PLXNB1: variants seen among roughly 807,000 people sequenced by gnomAD.
PLXNB1 encodes plexin-B1.
A neutral mutation model predicts 209.4 loss-of-function variants in PLXNB1; 106 were observed. The observed-to-expected ratio is 0.51, with a 90% confidence interval of 0.43 to 0.59. The LOEUF (loss-of-function observed/expected upper bound fraction) is 0.59. PLXNB1 is among the 20% of genes least tolerant of loss of function. The pLI, the probability that PLXNB1 is intolerant of heterozygous loss-of-function variation, is 0.00. For missense variants in PLXNB1, 2,357 were observed against 2,853.2 expected (o/e 0.83, Z 3.96); for synonymous variants, 1,167 against 1,183.2 (o/e 0.99, Z 0.28).
chr3:48,409,537 A>C lies in PLXNB1; in HGVS notation c.5939+34T>G, dbSNP rs538900040. On this transcript the variant is annotated intron_variant, in intron 33 of 37. Coordinates refer to ENST00000296440, the MANE Select transcript of PLXNB1 (RefSeq NM_001130082.3). The surrounding 1 kb of genome is among the most constrained non-coding windows in gnomAD (Gnocchi z 5.8). ...GGGGAGGCAGAAGAGAAGACCCCCC[A>C]CACACACCTAGAGCCCACCCAGCTC... The C allele has an allele frequency of 4.9e-5, 79 of 1,613,766 alleles. No homozygotes were observed. In the South Asian group the frequency reaches 5.9e-4, roughly 12 times the overall value.
In PLXNB1 at chr3:48,416,024, C is replaced by G; in HGVS notation, c.3617+7G>C. 6.2e-7 allele frequency: 1 copy of G among 1,602,148 alleles called. No homozygotes were observed. Among genetic ancestry groups the G allele is most frequent in the Non-Finnish European group, 8.5e-7 (1 of 1,174,396 alleles). On this transcript the variant is annotated splice_region_variant and intron_variant, in intron 18 of 37. Transcript: ENST00000296440. The surrounding 1 kb of genome is among the most constrained non-coding windows in gnomAD (Gnocchi z 4.1). ...GGATTTTTGCAGGATGAGGAAGTGG[C>G]CCTCACAAGTGACAAGGCTGGTCTC...
In PLXNB1 at chr3:48,420,782, A is replaced by G. The variant is rs1200490797; in HGVS notation, c.1920-9T>C. The G allele has an allele frequency of 1.2e-6, 2 of 1,613,788 alleles. No homozygotes were observed. Among genetic ancestry groups the G allele is most frequent in the East Asian group, 2.2e-5 (1 of 44,870 alleles). ...TCACACAGGCCTGGCACCTGCACAGAGCACAGCCATGGGGCAAGGGTCGCC... is the reference window on the plus strand; with the variant it reads ...TCACACAGGCCTGGCACCTGCACAGGGCACAGCCATGGGGCAAGGGTCGCC... On this transcript the variant is annotated splice_polypyrimidine_tract_variant and intron_variant, in intron 9 of 37. Transcript: ENST00000296440.
In PLXNB1 at chr3:48,422,927, G is replaced by A. The variant is rs780901416; in HGVS notation, c.1128C>T (p.Pro376=). The A allele has an allele frequency of 1.9e-5, 30 of 1,613,918 alleles. No homozygotes were observed. The highest frequency in any genetic ancestry group is 2.4e-5 in the Non-Finnish European group (28 of 1,179,930). ...GGCTGGGCGTGTGGTCTGAGCCACAGGGATAAGCATCCAGGGTGTCCTATA... is the reference window on the plus strand; with the variant it reads ...GGCTGGGCGTGTGGTCTGAGCCACAAGGATAAGCATCCAGGGTGTCCTATA... The part of the protein sequence containing the change: ...QLPVDTLDAY[P]CGSDHTPSPM... Residue 376 remains proline, a synonymous_variant, in exon 4 of 38, where the codon CCC becomes CCT. Transcript: ENST00000296440.
chr3:48,425,448 T>A (rs2038835687), intron 1 of PLXNB1, 115 bp from the exon 2 acceptor site: 1 of 152,208 alleles, frequency 6.6e-6, no homozygotes, highest in Non-Finnish European at 1.5e-5. Context: ...CCGCCCAGCC[T>A]GCTGGTGGAG....
At position 48,409,996 on chromosome 3, in the gene PLXNB1, G is replaced by A. The variant is rs1020806573; in HGVS notation, c.5687C>T (p.Pro1896Leu). Residue 1896 changes from proline to leucine, a missense_variant, in exon 32 of 38, where the codon CCC becomes CTC. Physicochemically the swap from Pro to Leu is moderately conservative, Grantham distance 98. Coordinates refer to ENST00000296440, the MANE Select transcript of PLXNB1 (RefSeq NM_001130082.3). The surrounding 1 kb of genome is among the most constrained non-coding windows in gnomAD (Gnocchi z 5.8). Reference protein sequence around the residue: ...LVKPSDEPEPPRPRRGSLRGG... With the variant: ...LVKPSDEPEPLRPRRGSLRGG... ...CCGAAGGCTGCCCCTCCGAGGCCTG[G>A]GCGGCTCCGGCTCATCACTTGGCTT... is the stretch of plus-strand genomic sequence containing the variant. 6.2e-7 allele frequency: 1 copy of A among 1,612,774 alleles called. No homozygotes were observed. The highest frequency in any genetic ancestry group is 1.1e-5 in the South Asian group (1 of 91,014).
rs757535663 is a variant in PLXNB1, at chr3:48,412,939, C to T, written c.4657G>A (p.Asp1553Asn). 3.1e-6 allele frequency: 5 copies of T among 1,613,880 alleles called. No homozygotes were observed. Among genetic ancestry groups the T allele is most frequent in the Admixed American group, 1.7e-5 (1 of 60,004 alleles). The change falls in exon 25 of 38, where the codon GAT (aspartate) becomes AAT (asparagine). Residue 1553 changes from aspartate (D) to asparagine (N), a missense_variant. Asp to Asn is a conservative substitution (Grantham distance 23, BLOSUM62 1). Transcript: ENST00000296440. The part of the protein sequence containing the change: ...EFTDLMTEMT[D>N]LTSDLLGSGI... ...CTGCCCAGGAGGTCACTGGTGAGAT[C>T]GGTCATCTCAGTCATGAGGTCTGTT...
Position 48,421,378 on chromosome 3 carries a change from G to A in PLXNB1, c.1660C>T (p.Leu554=). 1 of 1,529,106 alleles carries A rather than the reference G, an allele frequency of 6.5e-7. No homozygotes were observed. Among genetic ancestry groups the A allele is most frequent in the Non-Finnish European group, 8.8e-7 (1 of 1,136,160 alleles). The allele number at this position is 1,529,106 out of a possible 1,614,324, so 94.7% of individuals were successfully genotyped here. A position where few individuals can be genotyped will look rare whatever the true frequency, so the allele number is the denominator to read the frequency against. ...ISREETREVF[L]SVPDLPPLWP... Reference sequence around the variant, plus strand: ...AGGGGTGGCAGGTCTGGCACTGATAGGAAAACCTGCCAAGAGAGCCAGGGA... The same window carrying A: ...AGGGGTGGCAGGTCTGGCACTGATAAGAAAACCTGCCAAGAGAGCCAGGGA... Residue 554 remains leucine, a synonymous_variant, in exon 8 of 38, where the codon CTA becomes TTA. Coordinates refer to ENST00000296440, the MANE Select transcript of PLXNB1 (RefSeq NM_001130082.3).
In PLXNB1 at chr3:48,410,407, C is replaced by T. The variant is rs538309129; in HGVS notation, c.5521-27G>A. 6.2e-7 allele frequency: 1 copy of T among 1,610,880 alleles called. No individual in the cohort carries two copies. The highest frequency in any genetic ancestry group is 1.1e-5 in the South Asian group (1 of 90,954). On this transcript the variant is annotated intron_variant, in intron 30 of 37. Transcript: ENST00000296440. The surrounding 1 kb of genome is among the most constrained non-coding windows in gnomAD (Gnocchi z 6.4). ...TGCTGAGCACAGCTGGTGATCCCTC[C>T]ACCAGTCCCACCCCACCATGCCCTC...
Position 48,405,221 on chromosome 3 carries a change from G to C in PLXNB1, c.6303+503C>G, listed in dbSNP as rs1347345632. On this transcript the variant is annotated intron_variant, in intron 37 of 37. Coordinates refer to ENST00000296440, the MANE Select transcript of PLXNB1 (RefSeq NM_001130082.3). This position sits in a 1 kb window ranked among gnomAD's most constrained non-coding sequence, Gnocchi z 5.0. ...TCACTGGTGCCACACAAACATCTAA[G>C]TGGACTATTCCACCAGGCATCCAGC... Among the ~76,000 whole-genome samples, 1 of 152,200 alleles carries C rather than the reference G, an allele frequency of 6.6e-6. No homozygotes were observed. The highest frequency in any genetic ancestry group is 6.5e-5 in the Admixed American group (1 of 15,278).
chr3:48,411,719 C>T lies in PLXNB1; in HGVS notation c.5247+144G>A, dbSNP rs928371940. The T allele has an allele frequency of 2.4e-5, 22 of 913,212 alleles. No homozygotes were observed. The highest frequency in any genetic ancestry group is 3.2e-5 in the Non-Finnish European group (19 of 597,594). The allele number at this position is 913,212 out of a possible 1,614,324, so 56.6% of individuals were successfully genotyped here. A position where few individuals can be genotyped will look rare whatever the true frequency, so the allele number is the denominator to read the frequency against. Reference sequence around the variant, plus strand: ...CTGCTAAGCTAGTCTGATGGGCTCTCTCCAGGAGCCAGCCAGAGGTCAACC... The same window carrying T: ...CTGCTAAGCTAGTCTGATGGGCTCTTTCCAGGAGCCAGCCAGAGGTCAACC... On this transcript the variant is annotated intron_variant, in intron 28 of 37. Coordinates refer to ENST00000296440, the MANE Select transcript of PLXNB1 (RefSeq NM_001130082.3). This position sits in a 1 kb window ranked among gnomAD's most constrained non-coding sequence, Gnocchi z 4.0.
chr3:48,421,038 G>A (rs2038481469), intron 8 of PLXNB1, 82 bp from the exon 9 acceptor site: 1 of 1,345,416 alleles, frequency 7.4e-7, no homozygotes, highest in Non-Finnish European at 1.1e-6. Context: ...GCCCTTGAAT[G>A]GGGAAGAGGA....
At position 48,416,296 on chromosome 3, in the gene PLXNB1, C is replaced by T. The variant is rs1388855547; in HGVS notation, c.3480+50G>A. On this transcript the variant is annotated intron_variant, in intron 17 of 37. Transcript: ENST00000296440. The surrounding 1 kb of genome is among the most constrained non-coding windows in gnomAD (Gnocchi z 4.1). The stretch of plus-strand genomic sequence containing the variant: ...TAACCAGATGGGTTGAGAGGAGCCA[C>T]CAGAGAGGTTGGCCCGCTGGCAGCT... The T allele has an allele frequency of 3.8e-6, 6 of 1,560,950 alleles. No homozygotes were observed. The highest frequency in any genetic ancestry group is 4.4e-6 in the Non-Finnish European group (5 of 1,136,694).
In PLXNB1 at chr3:48,413,062, G is replaced by A. The variant is rs2037806916; in HGVS notation, c.4636+7C>T. The A allele has an allele frequency of 6.2e-7, 1 of 1,612,490 alleles. No homozygotes were observed. The highest frequency in any genetic ancestry group is 1.3e-5 in the African/African-American group (1 of 74,896). On this transcript the variant is annotated splice_region_variant and intron_variant, in intron 24 of 37. Coordinates refer to ENST00000296440, the MANE Select transcript of PLXNB1 (RefSeq NM_001130082.3). The surrounding 1 kb of genome is among the most constrained non-coding windows in gnomAD (Gnocchi z 5.4). ...CTGGAGGGCGGGGCCCATTCTCTCA[G>A]CCACACCTGTGAATTCCTTCTTGCA... is the stretch of plus-strand genomic sequence containing the variant.
intron 4 of PLXNB1, 134 bp downstream of exon 4, chr3:48,422,631 C>A (rs934894992): frequency 3.2e-6 from 4 of 1,234,658 alleles, no homozygotes; most frequent in Non-Finnish European, 4.5e-6. Flanking sequence ...AAACACCACC[C>A]AGTCCTGGGG....
Position 48,413,880 on chromosome 3 carries a change from G to C in PLXNB1, c.4386+15C>G. 6.2e-7 allele frequency: 1 copy of C among 1,606,692 alleles called. No individual in the cohort carries two copies. The highest frequency in any genetic ancestry group is 8.5e-7 in the Non-Finnish European group (1 of 1,174,838). ...CAGGTCAATGCCCAGCCCGGCCAGG[G>C]ACCTGCCCACTGACCGTGAACTCAG... On this transcript the variant is annotated intron_variant, in intron 22 of 37. Coordinates refer to ENST00000296440, the MANE Select transcript of PLXNB1 (RefSeq NM_001130082.3). The surrounding 1 kb of genome is among the most constrained non-coding windows in gnomAD (Gnocchi z 5.4).
In PLXNB1 at chr3:48,413,800, G is replaced by T; in HGVS notation, c.4405C>A (p.Arg1469Ser). The change falls in exon 23 of 38, where the codon CGC becomes AGC. Residue 1469 changes from arginine (R) to serine (S), a missense_variant. By Grantham distance (110) the Arg-to-Ser change is moderately radical. Coordinates refer to ENST00000296440, the MANE Select transcript of PLXNB1 (RefSeq NM_001130082.3). This position sits in a 1 kb window ranked among gnomAD's most constrained non-coding sequence, Gnocchi z 5.4. ...PEFTVQMGNLRFSLGHVQYDG... is the reference protein window; with the variant it reads ...PEFTVQMGNLSFSLGHVQYDG... ...TACTGCACGTGACCCAGGGAGAAGC[G>T]CAAGTTCCCCATCTGCACCTGTGTC... is the stretch of plus-strand genomic sequence containing the variant. 1.2e-5 allele frequency: 19 copies of T among 1,613,512 alleles called. No individual in the cohort carries two copies. Among genetic ancestry groups the T allele is most frequent in the Non-Finnish European group, 1.6e-5 (19 of 1,179,774 alleles).
In PLXNB1 at chr3:48,416,297, CAG is replaced by C. The variant is rs1325847201; in HGVS notation, c.3480+47_3480+48del. ...AACCAGATGGGTTGAGAGGAGCCAC[CAG>C]AGAGGTTGGCCCGCTGGCAGCTGGG... On this transcript the variant is annotated intron_variant, in intron 17 of 37. Coordinates refer to ENST00000296440, the MANE Select transcript of PLXNB1 (RefSeq NM_001130082.3). The surrounding 1 kb of genome is among the most constrained non-coding windows in gnomAD (Gnocchi z 4.1). 6.4e-6 allele frequency: 10 copies of C among 1,568,716 alleles called. No individual in the cohort carries two copies. Among genetic ancestry groups the C allele is most frequent in the African/African-American group, 1.3e-5 (1 of 74,232 alleles).
intron 34 of PLXNB1, among the ~76,000 whole-genome samples, chr3:48,407,987 C>A (rs1398191509): frequency 6.6e-6 from 1 of 152,166 alleles, no homozygotes; most frequent in Non-Finnish European, 1.5e-5. Context: ...GACAGTGCTA[C>A]AATTTTGGAC....
intron 34 of PLXNB1, among the ~76,000 whole-genome samples, chr3:48,408,732 C>A (rs977930623): frequency 2.0e-5 from 3 of 152,132 alleles, no homozygotes; most frequent in Non-Finnish European, 4.4e-5. Flanking sequence ...ATCTGGAAAC[C>A]CCACAAACAC....
Sources: allele counts gnomAD v4.1 joint callset (sites outside exome capture counted in the v4.1 genomes callset), GRCh38; gene constraint gnomAD v4.1.1; non-coding constraint Gnocchi (gnomAD v3.1); transcripts MANE v1.5; gene names NCBI Gene and HGNC (gene_info 2026-07-23, HGNC 2026-07-21).